MECOM: variants seen among roughly 807,000 people sequenced by gnomAD.
MECOM encodes MDS1 and EVI1 complex locus, also known as histone-lysine N-methyltransferase MECOM.
Under a neutral mutation model 116.3 loss-of-function variants are expected in MECOM, and 13 were observed. That is an observed-to-expected ratio of 0.11 (90% CI 0.07 to 0.18). The LOEUF is 0.18. Among genes scored for constraint, MECOM ranks in the 10% least tolerant of loss-of-function variants. The pLI is 1.00. For synonymous variants in MECOM, 528 were observed against 535.2 expected, an observed-to-expected ratio of 0.99 and a Z score of 0.19; for missense variants, 1,299 against 1,509.0, an observed-to-expected ratio of 0.86 and a Z score of 2.31.
At chr3:169,501,667 C>A (rs1754555470) in intron 1 of MECOM, among the ~76,000 whole-genome samples, 1 of 151,930 alleles carries the variant, frequency 6.6e-6, no homozygotes. Context: ...TTTTTAATGA[C>A]CAGGCTAGTC....
intron 13 of MECOM, among the ~76,000 whole-genome samples, chr3:169,094,497 T>C (rs1720883526): frequency 2.0e-5 from 3 of 152,248 alleles, no homozygotes; most frequent in South Asian, 4.1e-4. Flanking sequence ...AGTCTAGTTT[T>C]ATGCCAGTTA....
chr3:169,203,336 G>T (rs910605239), intron 2 of MECOM, among the ~76,000 whole-genome samples: 5 of 152,032 alleles, frequency 3.3e-5, no homozygotes, highest in Non-Finnish European at 7.4e-5. Flanking sequence ...AAAGAACGTG[G>T]TATTTATGTT....
chr3:169,287,879 C>T (rs569282352), intron 2 of MECOM, among the ~76,000 whole-genome samples: 5 of 152,178 alleles, frequency 3.3e-5, no homozygotes, highest in South Asian at 4.1e-4. Context: ...GAATCCCATA[C>T]GACAATATGT....
At chr3:169,633,776 G>C (rs984059864) in intron 1 of MECOM, among the ~76,000 whole-genome samples, 14 of 151,994 alleles carry the variant, frequency 9.2e-5, no homozygotes, top group Admixed American at 9.2e-4. Flanking sequence ...GGCTAAGGTT[G>C]GGGGTCAAGA....
rs372647830 is a variant in MECOM, at chr3:169,653,428, C to T, written c.37+9908G>A. On this transcript the variant is annotated intron_variant, in intron 1 of 16. Transcript: ENST00000651503. ...TAAAATGCCAAAATGATGATAAAGACAATTCCATACTATTGGAATGAAATA... is the reference window on the plus strand; with the variant it reads ...TAAAATGCCAAAATGATGATAAAGATAATTCCATACTATTGGAATGAAATA... Among the ~76,000 whole-genome samples the T allele has an allele frequency of 8.7e-4, 132 of 152,200 alleles. 2 individuals carry two copies. In the South Asian group the frequency reaches 0.027, roughly 31 times the overall value.
chr3:169,480,932 G>A (rs1008557787), intron 1 of MECOM, among the ~76,000 whole-genome samples: 1 of 151,862 alleles, frequency 6.6e-6, no homozygotes, highest in African/African-American at 2.4e-5. Context: ...TTGTTTTGTT[G>A]AGTTTTGTTT....
intron 2 of MECOM, among the ~76,000 whole-genome samples, chr3:169,237,717 C>T (rs1333310053): frequency 2.0e-5 from 3 of 151,374 alleles, no homozygotes; most frequent in African/African-American, 7.3e-5. Context: ...CACTGCATAC[C>T]TGAACACCAG....
intron 1 of MECOM, among the ~76,000 whole-genome samples, chr3:169,413,152 A>T (rs1305245659): frequency 6.6e-6 from 1 of 152,208 alleles, no homozygotes; most frequent in Non-Finnish European, 1.5e-5. Flanking sequence ...CAACTGAGGT[A>T]CCCAGTTCAT....
At chr3:169,552,621 G>A (rs1003924864) in intron 1 of MECOM, among the ~76,000 whole-genome samples, 6 of 152,038 alleles carry the variant, frequency 3.9e-5, no homozygotes, top group Admixed American at 3.3e-4. Flanking sequence ...GATCCAAGCC[G>A]ACACAGCCTG....
chr3:169,336,129 T>C (rs1273551244), intron 2 of MECOM, among the ~76,000 whole-genome samples: 1 of 152,148 alleles, frequency 6.6e-6, no homozygotes, highest in African/African-American at 2.4e-5. Flanking sequence ...CCACTTGGAC[T>C]CTTTACTCTT....
At chr3:169,548,313 A>G (rs1760973537) in intron 1 of MECOM, among the ~76,000 whole-genome samples, 1 of 152,204 alleles carries the variant, frequency 6.6e-6, no homozygotes. Flanking sequence ...TTCAGGAAGA[A>G]CCCATGTGCA....
rs183494468 is a variant in MECOM at position 169,630,946 on chromosome 3, T to C, written c.37+32390A>G. 4.4e-3 allele frequency among the ~76,000 whole-genome samples: 672 copies of C among 152,334 alleles called. 7 individuals are homozygous for C. The highest frequency in any genetic ancestry group is 0.016 in the African/African-American group (647 of 41,572). ...GCCCCAAATTCATTCTCATGAGACT[T>C]TGCCCAGCCTGTAAGAGGGAAGCCT... On this transcript the variant is annotated intron_variant, in intron 1 of 16. Coordinates refer to ENST00000651503, the MANE Select transcript of MECOM (RefSeq NM_004991.4).
intron 1 of MECOM, among the ~76,000 whole-genome samples, chr3:169,391,125 G>A (rs1237858854): frequency 6.6e-6 from 1 of 152,168 alleles, no homozygotes; most frequent in African/African-American, 2.4e-5. Flanking sequence ...GGGAGTTGTA[G>A]CAATGGCTTG....
intron 2 of MECOM, among the ~76,000 whole-genome samples, chr3:169,183,188 C>A (rs1172756367): frequency 2.0e-5 from 3 of 152,160 alleles, no homozygotes; most frequent in Admixed American, 2.0e-4. Flanking sequence ...TACTGTTACC[C>A]TAGCTATGTG....
At chr3:169,624,519 G>A (rs967250758) in intron 1 of MECOM, among the ~76,000 whole-genome samples, 3 of 152,200 alleles carry the variant, frequency 2.0e-5, no homozygotes, top group African/African-American at 4.8e-5. Context: ...GTGGGTGGCC[G>A]CCTTCCACTG....
At chr3:169,161,174 A>G (rs1742791654) in intron 2 of MECOM, among the ~76,000 whole-genome samples, 2 of 152,188 alleles carry the variant, frequency 1.3e-5, no homozygotes, top group African/African-American at 4.8e-5. Flanking sequence ...ATCCAATGAA[A>G]AAAATCTATT....
At chr3:169,515,434 C>T (rs1756507819) in intron 1 of MECOM, among the ~76,000 whole-genome samples, 2 of 152,140 alleles carry the variant, frequency 1.3e-5, no homozygotes, top group Non-Finnish European at 2.9e-5. Flanking sequence ...ATTATTATCA[C>T]CATTTTACTG....
chr3:169,178,648 AG>A (rs1042021370), intron 2 of MECOM, among the ~76,000 whole-genome samples: 1 of 152,176 alleles, frequency 6.6e-6, no homozygotes, highest in African/African-American at 2.4e-5. Flanking sequence ...CCCCCATGAT[AG>A]GTTCTGCCAT....
intron 1 of MECOM, among the ~76,000 whole-genome samples, chr3:169,503,680 A>G (rs982182327): frequency 6.6e-6 from 1 of 152,164 alleles, no homozygotes; most frequent in Non-Finnish European, 1.5e-5. Context: ...CCCACCCTTT[A>G]CAAACACTGT....
Sources: allele counts gnomAD v4.1 joint callset (sites outside exome capture counted in the v4.1 genomes callset), GRCh38; gene constraint gnomAD v4.1.1; transcripts MANE v1.5; gene names NCBI Gene and HGNC (gene_info 2026-07-23, HGNC 2026-07-21).